Variants in MPPED2 observed in about 807,000 individuals in gnomAD.
MPPED2 encodes metallophosphoesterase MPPED2.
In MPPED2, 5 loss-of-function variants were observed where a neutral mutation model predicts 33.0. The observed-to-expected ratio is 0.15, with a 90% CI of 0.08 to 0.32. MPPED2 has a LOEUF of 0.32. Among genes scored for constraint, MPPED2 ranks in the 10% least tolerant of loss-of-function variants. The probability of loss-of-function intolerance (pLI) is 1.00; values close to 1 mark genes in which losing one functional copy is unlikely to be tolerated. For missense variants in MPPED2, 275 were observed against 372.1 expected (o/e 0.74, Z 2.15); for synonymous variants, 136 against 141.9 (o/e 0.96, Z 0.29).
chr11:30,404,732 T>C (rs982266659), intron 6 of MPPED2, among the ~76,000 whole-genome samples: 4 of 152,250 alleles, frequency 2.6e-5, no homozygotes, highest in Non-Finnish European at 4.4e-5. Context: ...GTTTTCTTCA[T>C]CTAGTTATAA....
intron 3 of MPPED2, 59 bp downstream of exon 3, chr11:30,535,935 T>C: frequency 1.4e-6 from 2 of 1,445,996 alleles, no homozygotes; most frequent in Non-Finnish European, 1.9e-6. Context: ...TAGGACGCAG[T>C]GAGTGACACT....
At chr11:30,474,624 A>T (rs976212621) in intron 4 of MPPED2, among the ~76,000 whole-genome samples, 4 of 152,176 alleles carry the variant, frequency 2.6e-5, no homozygotes, top group Non-Finnish European at 4.4e-5. Context: ...GAGTCTCTTG[A>T]CTGAATGTAA....
intron 4 of MPPED2, among the ~76,000 whole-genome samples, chr11:30,444,898 G>T (rs902518901): frequency 6.6e-6 from 1 of 152,136 alleles, no homozygotes; most frequent in Non-Finnish European, 1.5e-5. Context: ...CATATTCTCC[G>T]ATTTATTTCT....
chr11:30,411,800 A>T (rs1304535023), intron 6 of MPPED2, among the ~76,000 whole-genome samples: 3 of 151,734 alleles, frequency 2.0e-5, no homozygotes, highest in Non-Finnish European at 2.9e-5. Context: ...ACTAAGAGCA[A>T]TTTTTTTTTC....
At chr11:30,463,573 G>C (rs2134014464) in intron 4 of MPPED2, among the ~76,000 whole-genome samples, 1 of 152,308 alleles carries the variant, frequency 6.6e-6, no homozygotes, top group African/African-American at 2.4e-5. Flanking sequence ...CTGCGAAGTG[G>C]CTGGCCATCA....
intron 6 of MPPED2, among the ~76,000 whole-genome samples, chr11:30,402,922 G>T (rs1947929318): frequency 6.6e-6 from 1 of 152,110 alleles, no homozygotes; most frequent in Non-Finnish European, 1.5e-5. Context: ...ATTAGCTCTG[G>T]ATTTTTAATT....
chr11:30,474,115 T>C (rs900723415), intron 4 of MPPED2, among the ~76,000 whole-genome samples: 1 of 152,222 alleles, frequency 6.6e-6, no homozygotes, highest in Non-Finnish European at 1.5e-5. Flanking sequence ...TACATAGCTA[T>C]AGCTAACCAA....
chr11:30,466,078 A>G (rs1950695153), intron 4 of MPPED2, among the ~76,000 whole-genome samples: 1 of 152,196 alleles, frequency 6.6e-6, no homozygotes, highest in South Asian at 2.1e-4. Flanking sequence ...GTTCCTTGCT[A>G]GAATGTAACT....
downstream of MPPED2, among the ~76,000 whole-genome samples, chr11:30,409,031 G>T (rs886075600): frequency 8.5e-5 from 13 of 152,190 alleles, no homozygotes; most frequent in African/African-American, 3.1e-4. Context: ...TCTAGTTTTA[G>T]TACACTGGGT....
At chr11:30,535,751 C>A (rs1318057198) in intron 3 of MPPED2, among the ~76,000 whole-genome samples, 1 of 152,120 alleles carries the variant, frequency 6.6e-6, no homozygotes, top group African/African-American at 2.4e-5. Context: ...AGATGGGTTT[C>A]AAAGCTTTCC....
At chr11:30,397,369 T>C (rs1590154873) in intron 6 of MPPED2, among the ~76,000 whole-genome samples, 2 of 152,280 alleles carry the variant, frequency 1.3e-5, no homozygotes, top group East Asian at 3.9e-4. Flanking sequence ...GTGGTAAGCA[T>C]ACTATAGTTC....
intron 2 of MPPED2, among the ~76,000 whole-genome samples, chr11:30,561,221 A>T (rs1051565519): frequency 6.6e-6 from 1 of 152,204 alleles, no homozygotes; most frequent in Non-Finnish European, 1.5e-5. Context: ...TACAGCCAGT[A>T]TATTCACTAG....
At chr11:30,518,608 T>C (rs1448370493) in intron 3 of MPPED2, among the ~76,000 whole-genome samples, 1 of 152,234 alleles carries the variant, frequency 6.6e-6, no homozygotes, top group Non-Finnish European at 1.5e-5. Context: ...GACCAAAGCA[T>C]GCACATCTTA....
At chr11:30,451,644 G>A in intron 4 of MPPED2, 2 of 912,122 alleles carry the variant, frequency 2.2e-6, no homozygotes, top group Non-Finnish European at 2.6e-6. Flanking sequence ...GATAAAAGAA[G>A]CCTGTATTTC....
At chr11:30,492,326 A>G (rs890316871) in intron 4 of MPPED2, among the ~76,000 whole-genome samples, 1 of 152,208 alleles carries the variant, frequency 6.6e-6, no homozygotes, top group Non-Finnish European at 1.5e-5. Flanking sequence ...ATCAGCTCAG[A>G]TAATGGAGGA....
At chr11:30,504,221 C>G (rs1040301295) in intron 3 of MPPED2, among the ~76,000 whole-genome samples, 1 of 152,000 alleles carries the variant, frequency 6.6e-6, no homozygotes, top group Non-Finnish European at 1.5e-5. Context: ...CCAGCAGGAA[C>G]AGGGAAAATG....
At chr11:30,579,285 C>T (rs376413465) in intron 2 of MPPED2, among the ~76,000 whole-genome samples, 1 of 151,934 alleles carries the variant, frequency 6.6e-6, no homozygotes, top group Non-Finnish European at 1.5e-5. Flanking sequence ...GGACATGCCC[C>T]GAGTTCAATT....
At chr11:30,415,448 G>T (rs911627124) in intron 5 of MPPED2, among the ~76,000 whole-genome samples, 1 of 152,148 alleles carries the variant, frequency 6.6e-6, no homozygotes, top group African/African-American at 2.4e-5. Context: ...ATCTGAGAAA[G>T]CATCTTGCTT....
rs756146099 is a variant in MPPED2 at position 30,580,284 on chromosome 11, G to A, written c.90C>T (p.Asn30=). The change falls in exon 2 of 7, where the codon AAC becomes AAT. Residue 30 remains asparagine (N), a synonymous_variant. Coordinates refer to ENST00000358117, the MANE Select transcript of MPPED2 (RefSeq NM_001584.3). ...SNPTQAFTHY[N]INQSRFQPPH... ...GAGGCTGGAATCTGCTCTGGTTGATGTTGTAGTGCGTGAATGCCTGGGTGG... is the reference window on the plus strand; with the variant it reads ...GAGGCTGGAATCTGCTCTGGTTGATATTGTAGTGCGTGAATGCCTGGGTGG... The A allele has an allele frequency of 6.2e-7, 1 of 1,614,052 alleles. No individual in the cohort carries two copies. The highest frequency in any genetic ancestry group is 8.5e-7 in the Non-Finnish European group (1 of 1,179,948).
Sources: gnomAD v4.1 joint callset for allele counts (sites outside exome capture counted in the v4.1 genomes callset) on GRCh38, gnomAD v4.1.1 for gene constraint, MANE v1.5 for transcripts, NCBI Gene and HGNC (gene_info 2026-07-23, HGNC 2026-07-21) for gene names.